Variants in NRG1 observed in about 807,000 individuals in gnomAD.
NRG1 encodes neuregulin 1, also known as pro-neuregulin-1, membrane-bound isoform.
In NRG1, 18 loss-of-function variants were observed where a neutral mutation model predicts 63.8. The ratio of observed to expected loss-of-function variants is 0.28; its 90% CI spans 0.19 to 0.42. NRG1 has a LOEUF of 0.42. Among genes scored for constraint, NRG1 ranks in the 10% least tolerant of loss-of-function variants. The pLI, the probability that NRG1 is intolerant of heterozygous loss-of-function variation, is 1.00. For synonymous variants in NRG1, 302 were observed against 301.3 expected (o/e 1.00, Z -0.02); for missense variants, 762 against 814.7 (o/e 0.94, Z 0.79).
At chr8:32,160,291 T>A (rs556704571) in intron 1 of NRG1, among the ~76,000 whole-genome samples, 2 of 152,354 alleles carry the variant, frequency 1.3e-5, no homozygotes, top group African/African-American at 4.8e-5. Context: ...TGAGAATATT[T>A]GATATTTGAT....
At chr8:32,152,257 C>A (rs1157916906) in intron 1 of NRG1, among the ~76,000 whole-genome samples, 2 of 152,158 alleles carry the variant, frequency 1.3e-5, no homozygotes, top group Non-Finnish European at 2.9e-5. Context: ...AGCTGTAGAG[C>A]TGTAGAGAAC....
At chr8:32,157,660 T>A (rs191213228) in intron 1 of NRG1, among the ~76,000 whole-genome samples, 59 of 148,936 alleles carry the variant, frequency 4.0e-4, no homozygotes, top group African/African-American at 1.4e-3. Flanking sequence ...ATATATATAT[T>A]TTTATATATT....
intron 1 of NRG1, among the ~76,000 whole-genome samples, chr8:32,347,335 T>C (rs1805041715): frequency 6.6e-6 from 1 of 152,184 alleles, no homozygotes; most frequent in Non-Finnish European, 1.5e-5. Context: ...CTGATAACCA[T>C]GATTTCACGC....
intron 1 of NRG1, among the ~76,000 whole-genome samples, chr8:32,411,528 A>G (rs960027771): frequency 6.6e-6 from 1 of 152,202 alleles, no homozygotes; most frequent in African/African-American, 2.4e-5. Flanking sequence ...AAATAAAGGA[A>G]AGGAATATTC....
chr8:32,144,075 A>G (rs935660324), intron 1 of NRG1, among the ~76,000 whole-genome samples: 2 of 152,218 alleles, frequency 1.3e-5, no homozygotes, highest in Non-Finnish European at 2.9e-5. Flanking sequence ...CTGCTGGGGA[A>G]CAAGACAGTC....
intron 5 of NRG1, chr8:32,647,609 G>A: frequency 6.9e-7 from 1 of 1,442,184 alleles, no homozygotes; most frequent in Non-Finnish European, 9.1e-7. Context: ...CCTTGGACTT[G>A]GACGATTTAT....
At chr8:31,857,973 T>C (rs1030644053) in intron 1 of NRG1, among the ~76,000 whole-genome samples, 61 of 152,106 alleles carry the variant, frequency 4.0e-4, no homozygotes, top group African/African-American at 1.5e-3. Context: ...CAACAACCAG[T>C]TGAGAGCAAT....
intron 1 of NRG1, among the ~76,000 whole-genome samples, chr8:31,787,233 T>G (rs2131640216): frequency 6.6e-6 from 1 of 152,358 alleles, no homozygotes; most frequent in African/African-American, 2.4e-5. Context: ...CAGTTGCATT[T>G]GCATCTTTAA....
chr8:31,850,054 G>C (rs1827065054), intron 1 of NRG1, among the ~76,000 whole-genome samples: 1 of 152,136 alleles, frequency 6.6e-6, no homozygotes. Flanking sequence ...CTCATAACAG[G>C]TGGGTTCTGT....
At chr8:32,656,770 T>G (rs1430685206) in intron 5 of NRG1, among the ~76,000 whole-genome samples, 4 of 152,160 alleles carry the variant, frequency 2.6e-5, no homozygotes, top group Non-Finnish European at 5.9e-5. Context: ...ATGTTTTGCC[T>G]GGGTATAAGT....
intron 1 of NRG1, among the ~76,000 whole-genome samples, chr8:31,958,864 G>A (rs1433187889): frequency 6.6e-6 from 1 of 152,104 alleles, no homozygotes; most frequent in South Asian, 2.1e-4. Flanking sequence ...GAACTGGCAG[G>A]TCTGTCATTT....
chr8:31,928,258 G>T (rs1834557882), intron 1 of NRG1, among the ~76,000 whole-genome samples: 1 of 142,836 alleles, frequency 7.0e-6, no homozygotes, highest in Admixed American at 7.4e-5. Context: ...TGAGGGAAAT[G>T]CAAATTAAAA....
At chr8:32,269,240 A>G (rs1438022277) in intron 1 of NRG1, among the ~76,000 whole-genome samples, 1 of 152,174 alleles carries the variant, frequency 6.6e-6, no homozygotes, top group Non-Finnish European at 1.5e-5. Flanking sequence ...TATCAAAATA[A>G]TCTAATAAGA....
exon 1 of NRG1, chr8:32,548,812 G>C: frequency 6.4e-7 from 1 of 1,572,792 alleles, no homozygotes; most frequent in Admixed American, 1.9e-5. Flanking sequence ...TCCGCGGCGG[G>C]CAGCCAGAGC....
At chr8:32,046,487 C>A (rs558542149) in intron 1 of NRG1, among the ~76,000 whole-genome samples, 35 of 152,066 alleles carry the variant, frequency 2.3e-4, no homozygotes, top group African/African-American at 6.5e-4. Flanking sequence ...TCACAAAAAA[C>A]CATATGTGAA....
chr8:32,558,077 A>G (rs1309003191), intron 1 of NRG1, among the ~76,000 whole-genome samples: 4 of 152,306 alleles, frequency 2.6e-5, no homozygotes, highest in Admixed American at 2.6e-4. Context: ...ACTTAAAAGA[A>G]GGCAGAAAAG....
At chr8:32,224,756 T>C (rs1240904543) in intron 1 of NRG1, among the ~76,000 whole-genome samples, 1 of 152,186 alleles carries the variant, frequency 6.6e-6, no homozygotes, top group East Asian at 1.9e-4. Flanking sequence ...GAACACTGCA[T>C]AGGGGTCAGA....
At chr8:32,718,835 G>A (rs927125043) in intron 5 of NRG1, among the ~76,000 whole-genome samples, 1 of 151,976 alleles carries the variant, frequency 6.6e-6, no homozygotes, top group Non-Finnish European at 1.5e-5. Flanking sequence ...TTAAATTCAT[G>A]CCTGACTGAC....
intron 1 of NRG1, among the ~76,000 whole-genome samples, chr8:32,206,288 T>C (rs1018541316): frequency 1.3e-5 from 2 of 152,116 alleles, no homozygotes; most frequent in African/African-American, 2.4e-5. Flanking sequence ...CTGCTGAAGA[T>C]CCTTCAGTAC....
Sources: allele counts gnomAD v4.1 joint callset (sites outside exome capture counted in the v4.1 genomes callset), GRCh38; gene constraint gnomAD v4.1.1; transcripts MANE v1.5; gene names NCBI Gene and HGNC (gene_info 2026-07-23, HGNC 2026-07-21).